Variants in NMNAT1 observed in about 807,000 individuals in gnomAD.
NMNAT1 encodes nicotinamide/nicotinic acid mononucleotide adenylyltransferase 1.
A neutral mutation model predicts 16.7 loss-of-function variants in NMNAT1; 11 were observed. That is an observed-to-expected ratio of 0.66 (90% CI 0.41 to 1.09). The LOEUF (loss-of-function observed/expected upper bound fraction) is 1.09. Ranked by LOEUF, NMNAT1 falls within the 50% of genes least tolerant of loss-of-function variation. The pLI is 0.00. For missense variants in NMNAT1, 280 were observed against 332.3 expected, an observed-to-expected ratio of 0.84 and a Z score of 1.22; for synonymous variants, 110 against 119.8, an observed-to-expected ratio of 0.92 and a Z score of 0.53.
chr1:9,953,206 T>C (rs1010010221), intron 1 of NMNAT1, among the ~76,000 whole-genome samples: 4 of 151,612 alleles, frequency 2.6e-5, no homozygotes, highest in Non-Finnish European at 5.9e-5. Flanking sequence ...ATGGTCTCGA[T>C]CTCCTGTCCT....
At chr1:9,993,569 T>C in the NMNAT1 span, among the ~76,000 whole-genome samples, 1 of 152,082 alleles carries the variant, frequency 6.6e-6, no homozygotes. Context: ...CTTAAAAGCT[T>C]GCCGGGGCTG....
intron 1 of NMNAT1, among the ~76,000 whole-genome samples, chr1:9,956,731 C>CTTTT (rs1269404630): frequency 8.4e-6 from 1 of 119,390 alleles, no homozygotes; most frequent in African/African-American, 3.1e-5. Flanking sequence ...CCTTGTTTAC[C>CTTTT]TTTTTTTTTT....
chr1:9,972,116 G>T lies in NMNAT1; in HGVS notation c.43G>T (p.Gly15Cys). The T allele has an allele frequency of 6.2e-7, 1 of 1,612,864 alleles. No homozygotes were observed. Among genetic ancestry groups the T allele is most frequent in the Non-Finnish European group, 8.5e-7 (1 of 1,178,978 alleles). ...EKTEVVLLACGSFNPITNMHL... is the reference protein window; with the variant it reads ...EKTEVVLLACCSFNPITNMHL... ...GACTGAAGTGGTTCTCCTTGCTTGT[G>T]GTTCATTCAATCCCATCACCAACAT... The change falls in exon 2 of 5, where the codon GGT becomes TGT. Residue 15 changes from glycine (G) to cysteine (C), a missense_variant. Gly to Cys is a radical substitution (Grantham distance 159). Coordinates refer to ENST00000377205, the MANE Select transcript of NMNAT1 (RefSeq NM_022787.4).
chr1:9,994,101 CTTTTTTT>C, the NMNAT1 span, among the ~76,000 whole-genome samples: 6 of 106,190 alleles, frequency 5.7e-5, no homozygotes, highest in African/African-American at 2.7e-4. Flanking sequence ...CAAATGTTAG[CTTTTTTT>C]TTTTTTTTTT....
chr1:9,963,697 G>A (rs1471486047), intron 1 of NMNAT1, among the ~76,000 whole-genome samples: 2 of 151,456 alleles, frequency 1.3e-5, no homozygotes, highest in South Asian at 2.1e-4. Context: ...GTGAGCCACC[G>A]CATCTGGCCC....
chr1:9,968,106 C>G (rs1641600399), intron 1 of NMNAT1, among the ~76,000 whole-genome samples: 1 of 80,186 alleles, frequency 1.2e-5, no homozygotes, highest in African/African-American at 3.5e-5. Flanking sequence ...GAGTCTCGCT[C>G]TGTTGCCCAG....
intron 1 of NMNAT1, chr1:9,947,255 A>G (rs1192329268): frequency 6.6e-6 from 1 of 152,140 alleles, no homozygotes; most frequent in Non-Finnish European, 1.5e-5. Context: ...TGGCGTGATC[A>G]TGGTTCACTG....
intron 1 of NMNAT1, among the ~76,000 whole-genome samples, chr1:9,963,324 A>G (rs549302784): frequency 1.3e-5 from 2 of 152,240 alleles, no homozygotes; most frequent in Admixed American, 1.3e-4. Flanking sequence ...GTCTTGACAC[A>G]GGTGTTTTCA....
chr1:9,974,005 T>C (rs1223991573), intron 2 of NMNAT1, among the ~76,000 whole-genome samples: 1 of 151,662 alleles, frequency 6.6e-6, no homozygotes, highest in Non-Finnish European at 1.5e-5. Flanking sequence ...GCCCGGCCCA[T>C]TTTTGTATTT....
chr1:9,963,354 G>A (rs1340815238), intron 1 of NMNAT1, among the ~76,000 whole-genome samples: 2 of 151,804 alleles, frequency 1.3e-5, no homozygotes, highest in Admixed American at 1.3e-4. Context: ...AGTCTTAGAT[G>A]TACACAGTGA....
At chr1:9,989,429 G>T (rs1642083629), downstream of NMNAT1, among the ~76,000 whole-genome samples, 1 of 151,950 alleles carries the variant, frequency 6.6e-6, no homozygotes, top group African/African-American at 2.4e-5. Context: ...CTACACTCCA[G>T]CCTAGGTGAT....
chr1:9,987,369 A>G (rs544281187), downstream of NMNAT1, among the ~76,000 whole-genome samples: 7 of 152,164 alleles, frequency 4.6e-5, no homozygotes, highest in Middle Eastern at 3.4e-3. Context: ...AGCAGGGCGC[A>G]GTGGCTCACG....
chr1:9,971,983 T>A (rs1641699446), intron 1 of NMNAT1, 35 bp from the exon 2 acceptor site: 1 of 756,144 alleles, frequency 1.3e-6, no homozygotes, highest in Non-Finnish European at 2.3e-6. Flanking sequence ...GAAAAAAAAA[T>A]GCATAACTGA....
intron 2 of NMNAT1, among the ~76,000 whole-genome samples, chr1:9,972,953 C>T (rs1641721577): frequency 6.6e-6 from 1 of 152,044 alleles, no homozygotes; most frequent in Non-Finnish European, 1.5e-5. Flanking sequence ...AGAGCAAGAC[C>T]CTGACCACCC....
the NMNAT1 span, among the ~76,000 whole-genome samples, chr1:9,996,783 G>T: frequency 1.3e-5 from 2 of 152,104 alleles, no homozygotes; most frequent in Non-Finnish European, 2.9e-5. Context: ...AAGCTGCGGC[G>T]TTACCGAGGT....
At chr1:9,961,008 T>G (rs1641391105) in intron 1 of NMNAT1, among the ~76,000 whole-genome samples, 1 of 152,216 alleles carries the variant, frequency 6.6e-6, no homozygotes, top group African/African-American at 2.4e-5. Context: ...CACTGTAACC[T>G]TAACTCTTGT....
chr1:9,952,333 A>T (rs1025362120), intron 1 of NMNAT1: 1 of 151,924 alleles, frequency 6.6e-6, no homozygotes. Context: ...TTGTTTAAAA[A>T]CATACACAGT....
At chr1:9,975,238 T>C (rs1397199624) in intron 2 of NMNAT1, among the ~76,000 whole-genome samples, 1 of 152,164 alleles carries the variant, frequency 6.6e-6, no homozygotes, top group Admixed American at 6.6e-5. Context: ...TGGTGACTCA[T>C]GCCTGTAGTC....
chr1:9,982,296 C>T lies in NMNAT1; in HGVS notation c.440-5C>T, dbSNP rs1246380346. 1.9e-6 allele frequency: 3 copies of T among 1,606,262 alleles called. No individual in the cohort carries two copies. Among genetic ancestry groups the T allele is most frequent in the Non-Finnish European group, 2.6e-6 (3 of 1,175,474 alleles). On this transcript the variant is annotated splice_region_variant and splice_polypyrimidine_tract_variant and intron_variant, in intron 4 of 4. Transcript: ENST00000377205. ...TACCCCAAAGCTCTGTTTTATTCTT[C>T]CCAGCTGTGCCAAAGGTCAAGCTGC...
Sources: allele counts gnomAD v4.1 joint callset (sites outside exome capture counted in the v4.1 genomes callset), GRCh38; gene constraint gnomAD v4.1.1; transcripts MANE v1.5; gene names NCBI Gene and HGNC (gene_info 2026-07-23, HGNC 2026-07-21).